Variants in FLT3 observed in about 807,000 individuals in gnomAD.
FLT3 encodes the protein receptor-type tyrosine-protein kinase FLT3.
A neutral mutation model predicts 126.6 loss-of-function variants in FLT3; 46 were observed. The observed-to-expected ratio is 0.36, with a 90% CI of 0.29 to 0.46. The LOEUF is 0.46. Among genes scored for constraint, FLT3 ranks in the 20% least tolerant of loss-of-function variants. The pLI is 1.00. For missense variants in FLT3, 1,069 were observed against 1,190.3 expected (o/e 0.90, Z 1.50); for synonymous variants, 404 against 434.4 (o/e 0.93, Z 0.87).
At chr13:28,071,066 C>G (rs1160338591) in intron 1 of FLT3, among the ~76,000 whole-genome samples, 1 of 131,690 alleles carries the variant, frequency 7.6e-6, no homozygotes, top group Non-Finnish European at 1.5e-5. Context: ...GCGTTCTTGG[C>G]TCACTGCAAG....
rs370148938 is a variant in FLT3, at chr13:28,036,027, G to A, written c.1326C>T (p.Leu442=). Residue 442 remains leucine (L), a synonymous_variant, in exon 11 of 24, where the codon CTC becomes CTT. Coordinates refer to ENST00000241453, the MANE Select transcript of FLT3 (RefSeq NM_004119.3). The stretch of plus-strand genomic sequence containing the variant: ...ACGCCTGACTTGCCGATGCTTCTGC[G>A]AGCACTTGAGGTTTCCCTATAGAAA... ...TLNIRRKPQV[L]AEASASQASC... The A allele has an allele frequency of 1.1e-5, 17 of 1,613,778 alleles. No homozygotes were observed. The highest frequency in any genetic ancestry group is 4.4e-5 in the South Asian group (4 of 91,052).
chr13:28,049,408 G>A lies in FLT3; in HGVS notation c.1012C>T (p.Gln338Ter). ...CCTACGATGGTAACCAAAGCTGATT[G>A]ACTGGGATGCTTTGAAGAGGAACAA... Reference protein sequence around the residue: ...YTCSSSKHPSQSALVTIVEKG... With the variant: ...YTCSSSKHPS The change falls in exon 8 of 24, where the codon CAA becomes TAA. Residue 338 changes from glutamine (Q) to a stop codon, truncating the protein, a stop_gained. Coordinates refer to ENST00000241453, the MANE Select transcript of FLT3 (RefSeq NM_004119.3). LOFTEE classifies it high-confidence loss of function. 6.2e-7 allele frequency: 1 copy of A among 1,613,880 alleles called. No individual in the cohort carries two copies. Among genetic ancestry groups the A allele is most frequent in the Non-Finnish European group, 8.5e-7 (1 of 1,179,930 alleles).
At chr13:28,033,827 TG>T in intron 15 of FLT3, 59 bp downstream of exon 15, 1 of 1,210,160 alleles carries the variant, frequency 8.3e-7, no homozygotes, top group Non-Finnish European at 1.2e-6. Context: ...AAGGCATGGG[TG>T]GGAAACTGTG....
At chr13:28,046,782 G>C (rs1414427466) in intron 9 of FLT3, among the ~76,000 whole-genome samples, 1 of 152,038 alleles carries the variant, frequency 6.6e-6, no homozygotes, top group Non-Finnish European at 1.5e-5. Flanking sequence ...TTTCTGTAGA[G>C]ATGGGATTTT....
intron 10 of FLT3, among the ~76,000 whole-genome samples, chr13:28,036,695 T>C (rs1012827011): frequency 2.0e-5 from 3 of 152,218 alleles, no homozygotes; most frequent in African/African-American, 2.4e-5. Flanking sequence ...AAGAGATATA[T>C]GGCCAGGTGC....
At chr13:28,025,732 T>C (rs1194600334) in intron 17 of FLT3, among the ~76,000 whole-genome samples, 1 of 152,058 alleles carries the variant, frequency 6.6e-6, no homozygotes, top group African/African-American at 2.4e-5. Context: ...AGAATATGAG[T>C]GGCTTTATAG....
At position 28,027,226 on chromosome 13, in the gene FLT3, A is replaced by G; in HGVS notation, c.2069T>C (p.Ile690Thr). 2 of 1,610,640 alleles carry G rather than the reference A, an allele frequency of 1.2e-6. No individual in the cohort carries two copies. Among genetic ancestry groups the G allele is most frequent in the Non-Finnish European group, 1.7e-6 (2 of 1,178,436 alleles). ...ACTLSGPIYL[I>T]FEYCCYGDLL... is the part of the protein sequence containing the mutation. ...ATCACCATAGCAACAGTATTCAAAAATCAAGTAAATTGGTCCTGAAATAGT... is the reference window on the plus strand; with the variant it reads ...ATCACCATAGCAACAGTATTCAAAAGTCAAGTAAATTGGTCCTGAAATAGT... The change falls in exon 17 of 24, where the codon ATT becomes ACT. Residue 690 changes from isoleucine to threonine, a missense_variant. Ile to Thr is a moderately conservative substitution (Grantham distance 89). Transcript: ENST00000241453.
chr13:28,093,023 G>T (rs1005460669), intron 1 of FLT3, among the ~76,000 whole-genome samples: 2 of 147,474 alleles, frequency 1.4e-5, no homozygotes, highest in Admixed American at 7.0e-5. Context: ...CCAGACTCAA[G>T]CAATTCTCTT....
At chr13:28,033,525 G>A (rs946820372) in intron 15 of FLT3, among the ~76,000 whole-genome samples, 1 of 152,012 alleles carries the variant, frequency 6.6e-6, no homozygotes, top group Admixed American at 6.6e-5. Context: ...TTAGCTGAGC[G>A]TGGTGGTGCA....
chr13:28,073,934 T>C (rs1869264997), intron 1 of FLT3, among the ~76,000 whole-genome samples: 2 of 103,234 alleles, frequency 1.9e-5, no homozygotes, highest in African/African-American at 3.5e-5. Context: ...AGCCAGATCC[T>C]GCCTCTAAAA....
chr13:28,084,541 TAG>T lies in FLT3; in HGVS notation c.44-13931_44-13930del, dbSNP rs1878526962. Reference sequence around the variant, plus strand: ...GCTAATTATTTTTTTCTAATTTTTGTAGAGATGGGGATTTGCCACCAACCTGG... The same window carrying T: ...GCTAATTATTTTTTTCTAATTTTTGTAGATGGGGATTTGCCACCAACCTGG... On this transcript the variant is annotated intron_variant, in intron 1 of 23. Coordinates refer to ENST00000241453, the MANE Select transcript of FLT3 (RefSeq NM_004119.3). Among the ~76,000 whole-genome samples the T allele has an allele frequency of 3.3e-5, 5 of 151,918 alleles. No homozygotes were observed. The South Asian group carries it at 1.0e-3, about 32-fold the overall frequency.
chr13:28,038,409 G>A (rs1028741461), intron 9 of FLT3, among the ~76,000 whole-genome samples: 2 of 151,616 alleles, frequency 1.3e-5, no homozygotes, highest in African/African-American at 4.8e-5. Flanking sequence ...TCTAAGGCTT[G>A]TACCGAAGAT....
In FLT3 at chr13:28,042,188, T is replaced by TAATAAAAAA. The variant is rs1555255326; in HGVS notation, c.1206-4901_1206-4900insTTTTTTATT. On this transcript the variant is annotated intron_variant, in intron 9 of 23. Coordinates refer to ENST00000241453, the MANE Select transcript of FLT3 (RefSeq NM_004119.3). ...ATAATAATAATAATAATAATAATAA[T>TAATAAAAAA]AAATAAAAATGTCAAAGAAAGAGAA... is the stretch of plus-strand genomic sequence containing the variant. 3.6e-4 allele frequency among the ~76,000 whole-genome samples: 49 copies of TAATAAAAAA among 136,700 alleles called. No individual in the cohort carries two copies. The East Asian group carries it at 8.2e-3, about 23-fold the overall frequency. The allele number at this position is 136,700 out of a possible 152,430, so 89.7% of individuals were successfully genotyped here. A position where few individuals can be genotyped will look rare whatever the true frequency, so the allele number is the denominator to read the frequency against.
Position 28,057,444 on chromosome 13 carries a change from G to T in FLT3, c.387C>A (p.Val129=). The change falls in exon 4 of 24, where the codon GTC becomes GTA. Residue 129 remains valine (V), a synonymous_variant. Coordinates refer to ENST00000241453, the MANE Select transcript of FLT3 (RefSeq NM_004119.3). ...DLQNRGVVSM[V]ILKMTETQAG... Reference sequence around the variant, plus strand: ...CTTGGGTTTCTGTCATTTTCAAAATGACCATGGAAACAACTCCTCTGCAAA... The same window carrying T: ...CTTGGGTTTCTGTCATTTTCAAAATTACCATGGAAACAACTCCTCTGCAAA... 4 of 1,542,226 alleles carry T rather than the reference G, an allele frequency of 2.6e-6. No individual in the cohort carries two copies. In the South Asian group the frequency reaches 3.3e-5, roughly 13 times the overall value.
chr13:28,065,707 A>C (rs1202647321), intron 2 of FLT3, among the ~76,000 whole-genome samples: 1 of 138,918 alleles, frequency 7.2e-6, no homozygotes, highest in Admixed American at 7.7e-5. Context: ...TCACGCCTGT[A>C]ATCCCAGCAC....
chr13:28,058,979 A>G (rs1205613539), intron 3 of FLT3, among the ~76,000 whole-genome samples: 1 of 152,208 alleles, frequency 6.6e-6, no homozygotes, highest in Non-Finnish European at 1.5e-5. Context: ...CCTTCCCAAT[A>G]AAAAGAAAAA....
intron 4 of FLT3, among the ~76,000 whole-genome samples, chr13:28,056,109 G>A (rs1282176230): frequency 1.3e-5 from 2 of 152,086 alleles, no homozygotes; most frequent in South Asian, 2.1e-4. Flanking sequence ...ATGCTTCTGG[G>A]ACTCTTGCGT....
chr13:28,066,496 C>T (rs968983951), intron 2 of FLT3, among the ~76,000 whole-genome samples: 1 of 151,932 alleles, frequency 6.6e-6, no homozygotes, highest in African/African-American at 2.4e-5. Context: ...TAAGGAAGGG[C>T]TTGGAAAAAG....
chr13:28,052,635 T>C lies in FLT3; in HGVS notation c.524A>G (p.Lys175Arg), dbSNP rs201651411. Residue 175 changes from lysine (K) to arginine (R), a missense_variant, in exon 5 of 24, where the codon AAA becomes AGA. Coordinates refer to ENST00000241453, the MANE Select transcript of FLT3 (RefSeq NM_004119.3). ...LYTLRRPYFR[K>R]MENQDALVCI... ...GACCAGGGCGTCCTGGTTTTCCATT[T>C]TTCTAAAGTAAGGTCTTCTTAATGT... 27 of 1,612,432 alleles carry C rather than the reference T, an allele frequency of 1.7e-5. No individual in the cohort carries two copies. In the African/African-American group the frequency reaches 2.5e-4, roughly 15 times the overall value.
Sources: gnomAD v4.1 joint callset for allele counts (sites outside exome capture counted in the v4.1 genomes callset) on GRCh38, gnomAD v4.1.1 for gene constraint, MANE v1.5 for transcripts, NCBI Gene and HGNC (gene_info 2026-07-23, HGNC 2026-07-21) for gene names.